The following COL7A1 variants were observed in gnomAD, a reference collection of about 807,000 sequenced individuals.
COL7A1 encodes the protein collagen alpha-1(VII) chain.
In COL7A1, 296 loss-of-function variants were observed where a neutral mutation model predicts 456.2. That is an observed-to-expected ratio of 0.65 (90% CI 0.59 to 0.71). The LOEUF (loss-of-function observed/expected upper bound fraction) is 0.71, where lower values mean the gene tolerates loss of function less well. Ranked by LOEUF, COL7A1 falls within the 30% of genes least tolerant of loss-of-function variation. COL7A1 has a pLI of 0.00. For missense variants in COL7A1, 3,441 were observed against 4,017.2 expected, an observed-to-expected ratio of 0.86 and a Z score of 3.88; for synonymous variants, 1,464 against 1,525.9, an observed-to-expected ratio of 0.96 and a Z score of 0.95.
rs767945940 is a variant in COL7A1 at position 48,572,650 on chromosome 3, G to A, written c.6900+21C>T. ...GGCAGAGGAGTTGCTGCAGGGGGTG[G>A]AAGTCAGGGTCAAAGATCACCTGTC... On this transcript the variant is annotated intron_variant, in intron 88 of 118. Transcript: ENST00000681320. This position sits in a 1 kb window ranked among gnomAD's most constrained non-coding sequence, Gnocchi z 4.6. 3 of 1,603,642 alleles carry A rather than the reference G, an allele frequency of 1.9e-6. No individual in the cohort carries two copies. Among genetic ancestry groups the A allele is most frequent in the East Asian group, 2.3e-5 (1 of 44,320 alleles).
Position 48,584,923 on chromosome 3 carries a change from G to A in COL7A1, c.3998C>T (p.Pro1333Leu). The A allele has an allele frequency of 1.2e-6, 2 of 1,613,990 alleles. No homozygotes were observed. Among genetic ancestry groups the A allele is most frequent in the Non-Finnish European group, 1.7e-6 (2 of 1,180,014 alleles). The change falls in exon 34 of 119, where the codon CCT becomes CTT. Residue 1333 changes from proline (P) to leucine (L), a missense_variant. Around this residue, in one of 3 missense-constraint regions of COL7A1, gnomAD observed 2,084 missense variants for 2,501.3 expected, o/e 0.83. Coordinates refer to ENST00000681320, the MANE Select transcript of COL7A1 (RefSeq NM_000094.4). ...GLKGSPGLPGPRGDPGERGPR... is the reference protein window; with the variant it reads ...GLKGSPGLPGLRGDPGERGPR... ...AAGGCACCTTACCGGGTCCCCACGAGGGCCAGGCAACCCTGGAGAGCCCTG... is the reference window on the plus strand; with the variant it reads ...AAGGCACCTTACCGGGTCCCCACGAAGGCCAGGCAACCCTGGAGAGCCCTG...
In COL7A1 at chr3:48,591,427, G is replaced by T; in HGVS notation, c.1636+37C>A. The T allele has an allele frequency of 1.9e-6, 3 of 1,610,282 alleles. No homozygotes were observed. Among genetic ancestry groups the T allele is most frequent in the Non-Finnish European group, 2.5e-6 (3 of 1,178,046 alleles). ...TCAGACCCCTCAGGCTGGAACTTCA[G>T]TGTGTGTGGTGGGGGTGCTGGCTGC... On this transcript the variant is annotated intron_variant, in intron 13 of 118. Coordinates refer to ENST00000681320, the MANE Select transcript of COL7A1 (RefSeq NM_000094.4). This position sits in a 1 kb window ranked among gnomAD's most constrained non-coding sequence, Gnocchi z 7.0.
chr3:48,583,986 G>C lies in COL7A1; in HGVS notation c.4225-33C>G, dbSNP rs746412369. On this transcript the variant is annotated intron_variant, in intron 38 of 118. Transcript: ENST00000681320. This position sits in a 1 kb window ranked among gnomAD's most constrained non-coding sequence, Gnocchi z 5.1. The stretch of plus-strand genomic sequence containing the variant: ...AGAACAGCAGGTCAGGGAATGAACA[G>C]GGGAATCAGACTCCAAGCCACCCCT... 6.2e-7 allele frequency: 1 copy of C among 1,613,930 alleles called. No homozygotes were observed. The highest frequency in any genetic ancestry group is 8.5e-7 in the Non-Finnish European group (1 of 1,179,978).
chr3:48,566,850 G>A lies in COL7A1; in HGVS notation c.8226+57C>T. ...GGCAGGCAGGCTGGAAGATGGTTATGAGGTTGGAAGGGTAGGGAAGGTTCA... is the reference window on the plus strand; with the variant it reads ...GGCAGGCAGGCTGGAAGATGGTTATAAGGTTGGAAGGGTAGGGAAGGTTCA... On this transcript the variant is annotated intron_variant, in intron 111 of 118. Coordinates refer to ENST00000681320, the MANE Select transcript of COL7A1 (RefSeq NM_000094.4). The surrounding 1 kb of genome is among the most constrained non-coding windows in gnomAD (Gnocchi z 5.9). 9 of 1,576,750 alleles carry A rather than the reference G, an allele frequency of 5.7e-6. No individual in the cohort carries two copies. Among genetic ancestry groups the A allele is most frequent in the Non-Finnish European group, 6.9e-6 (8 of 1,153,698 alleles).
At position 48,585,227 on chromosome 3, in the gene COL7A1, G is replaced by A; in HGVS notation, c.3895-111C>T. On this transcript the variant is annotated intron_variant, in intron 32 of 118. Coordinates refer to ENST00000681320, the MANE Select transcript of COL7A1 (RefSeq NM_000094.4). This position sits in a 1 kb window ranked among gnomAD's most constrained non-coding sequence, Gnocchi z 4.5. ...GGTCGCCTACCCCACTGACCCCCAA[G>A]TGTTATTGGGGGTGGAACAGTGAGG... The A allele has an allele frequency of 2.9e-6, 3 of 1,046,008 alleles. No homozygotes were observed. The highest frequency in any genetic ancestry group is 4.3e-6 in the Non-Finnish European group (3 of 701,822). The allele number at this position is 1,046,008 out of a possible 1,614,324, so 64.8% of individuals were successfully genotyped here. A position where few individuals can be genotyped will look rare whatever the true frequency, so the allele number is the denominator to read the frequency against.
intron 65 of COL7A1, among the ~76,000 whole-genome samples, chr3:48,577,794 T>C (rs2044419755): frequency 6.6e-6 from 1 of 152,234 alleles, no homozygotes; most frequent in South Asian, 2.1e-4. Flanking sequence ...TCTGGGCATG[T>C]GTCAGCCCAT....
rs2044519246 is a variant in COL7A1, at chr3:48,578,907, C to T, written c.5424+12G>A. On this transcript the variant is annotated intron_variant, in intron 63 of 118. Coordinates refer to ENST00000681320, the MANE Select transcript of COL7A1 (RefSeq NM_000094.4). The surrounding 1 kb of genome is among the most constrained non-coding windows in gnomAD (Gnocchi z 4.7). ...CCGAGCCCCCTCTGTCCCAGCATCTCCCCTCACTTACGTCTCTCCCTGGGT... is the reference window on the plus strand; with the variant it reads ...CCGAGCCCCCTCTGTCCCAGCATCTTCCCTCACTTACGTCTCTCCCTGGGT... 1 of 1,613,422 alleles carries T rather than the reference C, an allele frequency of 6.2e-7. No homozygotes were observed. The highest frequency in any genetic ancestry group is 1.3e-5 in the African/African-American group (1 of 75,036).
rs1258341793 is a variant in COL7A1, at chr3:48,573,198, T to G, written c.6690A>C (p.Gly2230=). The part of the protein sequence containing the change: ...TGPTGAVGLP[G]PPGPSGLVGP... Reference sequence around the variant, plus strand: ...CCACAAGGCCTGAAGGGCCGGGGGGTCCAGGAAGTCCCACAGCTCCAGTAG... The same window carrying G: ...CCACAAGGCCTGAAGGGCCGGGGGGGCCAGGAAGTCCCACAGCTCCAGTAG... Residue 2230 remains glycine (G), a synonymous_variant, in exon 85 of 119, where the codon GGA becomes GGC. Coordinates refer to ENST00000681320, the MANE Select transcript of COL7A1 (RefSeq NM_000094.4). The surrounding 1 kb of genome is among the most constrained non-coding windows in gnomAD (Gnocchi z 5.5). The G allele has an allele frequency of 6.2e-7, 1 of 1,613,302 alleles. No homozygotes were observed. Among genetic ancestry groups the G allele is most frequent in the Non-Finnish European group, 8.5e-7 (1 of 1,179,840 alleles).
Position 48,571,138 on chromosome 3 carries a change from G to A in COL7A1, c.7127C>T (p.Pro2376Leu), listed in dbSNP as rs150193295. 4.6e-5 allele frequency: 75 copies of A among 1,613,898 alleles called. No homozygotes were observed. The highest frequency in any genetic ancestry group is 5.8e-5 in the Non-Finnish European group (68 of 1,180,028). Reference sequence around the variant, plus strand: ...AGGGCCAGGAGGCCCAGGGGAGCCCGGGACCCCGACTCCTGGGTCACCCTT... The same window carrying A: ...AGGGCCAGGAGGCCCAGGGGAGCCCAGGACCCCGACTCCTGGGTCACCCTT... Reference protein sequence around the residue: ...GFKGDPGVGVPGSPGPPGPPG... With the variant: ...GFKGDPGVGVLGSPGPPGPPG... The change falls in exon 94 of 119, where the codon CCG (proline) becomes CTG (leucine). Residue 2376 changes from proline to leucine, a missense_variant. Physicochemically the swap from Pro to Leu is moderately conservative, Grantham distance 98. Transcript: ENST00000681320. This position sits in a 1 kb window ranked among gnomAD's most constrained non-coding sequence, Gnocchi z 4.6.
chr3:48,568,067 A>G lies in COL7A1; in HGVS notation c.7875+23T>C, dbSNP rs2043686914. 1 of 1,613,952 alleles carries G rather than the reference A, an allele frequency of 6.2e-7. No homozygotes were observed. Among genetic ancestry groups the G allele is most frequent in the African/African-American group, 1.3e-5 (1 of 74,892 alleles). On this transcript the variant is annotated intron_variant, in intron 106 of 118. Coordinates refer to ENST00000681320, the MANE Select transcript of COL7A1 (RefSeq NM_000094.4). This position sits in a 1 kb window ranked among gnomAD's most constrained non-coding sequence, Gnocchi z 5.2. Reference sequence around the variant, plus strand: ...CATTAGGCCTTCCTGACCAGAAAAAAACCAATCTTGTTTCTTTCCTACCTT... The same window carrying G: ...CATTAGGCCTTCCTGACCAGAAAAAGACCAATCTTGTTTCTTTCCTACCTT...
rs1002845719 is a variant in COL7A1, at chr3:48,575,496, C to T, written c.6023G>A (p.Arg2008His). The T allele has an allele frequency of 3.7e-6, 6 of 1,612,472 alleles. No homozygotes were observed. Among genetic ancestry groups the T allele is most frequent in the East Asian group, 2.2e-5 (1 of 44,856 alleles). Residue 2008 changes from arginine to histidine, a missense_variant, in exon 74 of 119, where the codon CGT (arginine) becomes CAT (histidine). By Grantham distance (29) the Arg-to-His change is conservative. Transcript: ENST00000681320. The surrounding 1 kb of genome is among the most constrained non-coding windows in gnomAD (Gnocchi z 6.3). The part of the protein sequence containing the change: ...FPGERGLKGD[R>H]GDPGPQGPPG... ...TGGCCCCTGAGGGCCAGGGTCTCCA[C>T]GGTCGCCCTTCAGCCCGCGTTCTCC...
intron 37 of COL7A1, 107 bp from the exon 38 acceptor site, chr3:48,584,168 G>C (rs2045026561): frequency 6.3e-7 from 1 of 1,589,392 alleles, no homozygotes; most frequent in Non-Finnish European, 8.6e-7. Flanking sequence ...GATTTTGGGA[G>C]AACTGAGGCG....
intron 35 of COL7A1, 62 bp downstream of exon 35, chr3:48,584,672 G>T: frequency 6.2e-7 from 1 of 1,612,950 alleles, no homozygotes; most frequent in Non-Finnish European, 8.5e-7. Context: ...ACAGGGTCTG[G>T]TGTGGGGCAG....
chr3:48,592,948 C>A lies in COL7A1; in HGVS notation c.683-10G>T, dbSNP rs375977644. 20 of 1,613,004 alleles carry A rather than the reference C, an allele frequency of 1.2e-5. No homozygotes were observed. Among genetic ancestry groups the A allele is most frequent in the Non-Finnish European group, 1.4e-5 (16 of 1,179,820 alleles). On this transcript the variant is annotated splice_polypyrimidine_tract_variant and intron_variant, in intron 6 of 118. Transcript: ENST00000681320. This position sits in a 1 kb window ranked among gnomAD's most constrained non-coding sequence, Gnocchi z 7.6. ...GAGGTCGAGTCATCCGCTGGGAATG[C>A]GGGATCAGGGGATCAGGCAGGAGGA...
At chr3:48,576,333 A>G (rs772797593) in intron 70 of COL7A1, 37 bp from the exon 71 acceptor site, 7 of 1,613,936 alleles carry the variant, frequency 4.3e-6, no homozygotes, top group Non-Finnish European at 5.1e-6. Flanking sequence ...GAACCAGCCT[A>G]TGGGTGTGCA....
Position 48,583,503 on chromosome 3 carries a change from T to C in COL7A1, c.4401+53A>G. 1.2e-6 allele frequency: 2 copies of C among 1,613,426 alleles called. No homozygotes were observed. The highest frequency in any genetic ancestry group is 1.7e-6 in the Non-Finnish European group (2 of 1,179,556). ...ATGGAGCAGTGGTTGATGATTGAGG[T>C]AGGGGCTGGAGCTGTGCCCACCATA... On this transcript the variant is annotated intron_variant, in intron 41 of 118. Coordinates refer to ENST00000681320, the MANE Select transcript of COL7A1 (RefSeq NM_000094.4). This position sits in a 1 kb window ranked among gnomAD's most constrained non-coding sequence, Gnocchi z 5.1.
In COL7A1 at chr3:48,571,302, T is replaced by C; in HGVS notation, c.7069-24A>G. 1.9e-6 allele frequency: 3 copies of C among 1,613,938 alleles called. No individual in the cohort carries two copies. Among genetic ancestry groups the C allele is most frequent in the Non-Finnish European group, 2.5e-6 (3 of 1,179,916 alleles). On this transcript the variant is annotated intron_variant, in intron 92 of 118. Coordinates refer to ENST00000681320, the MANE Select transcript of COL7A1 (RefSeq NM_000094.4). This position sits in a 1 kb window ranked among gnomAD's most constrained non-coding sequence, Gnocchi z 4.6. ...CCCTAAGAAAACCCAGCAAACAGCA[T>C]TTGAGAGGGTAGGAACATGAGCACA...
Position 48,591,448 on chromosome 3 carries a change from G to C in COL7A1, c.1636+16C>G, listed in dbSNP as rs774152545. The C allele has an allele frequency of 1.2e-6, 2 of 1,612,090 alleles. No individual in the cohort carries two copies. Among genetic ancestry groups the C allele is most frequent in the Non-Finnish European group, 1.7e-6 (2 of 1,179,130 alleles). On this transcript the variant is annotated intron_variant, in intron 13 of 118. Coordinates refer to ENST00000681320, the MANE Select transcript of COL7A1 (RefSeq NM_000094.4). This position sits in a 1 kb window ranked among gnomAD's most constrained non-coding sequence, Gnocchi z 7.0. The stretch of plus-strand genomic sequence containing the variant: ...TTCAGTGTGTGTGGTGGGGGTGCTG[G>C]CTGCGTCCACCTCACCCTGGGTGCT...
rs1175605053 is a variant in COL7A1 at position 48,579,673 on chromosome 3, G to A, written c.5155-5C>T. The A allele has an allele frequency of 1.2e-6, 2 of 1,613,572 alleles. No individual in the cohort carries two copies. The highest frequency in any genetic ancestry group is 1.3e-5 in the African/African-American group (1 of 74,844). On this transcript the variant is annotated splice_polypyrimidine_tract_variant and splice_region_variant and intron_variant, in intron 58 of 118. Coordinates refer to ENST00000681320, the MANE Select transcript of COL7A1 (RefSeq NM_000094.4). The surrounding 1 kb of genome is among the most constrained non-coding windows in gnomAD (Gnocchi z 4.4). ...TCCGCGGTCCCCAGGCTCTCCCTGT[G>A]GCAGAGATAAGCTTGCTGAGGAACA...
Sources: gnomAD v4.1 joint callset for allele counts (sites outside exome capture counted in the v4.1 genomes callset) on GRCh38, gnomAD v4.1.1 for gene constraint, gnomAD v4.1.1 regional missense constraint, Gnocchi (gnomAD v3.1) non-coding constraint, MANE v1.5 for transcripts, NCBI Gene and HGNC (gene_info 2026-07-23, HGNC 2026-07-21) for gene names.